Variants in CCDC7 observed in about 807,000 individuals in gnomAD.
The protein encoded by CCDC7 is coiled-coil domain-containing protein 7.
Under a neutral mutation model 196.9 loss-of-function variants are expected in CCDC7, and 183 were observed. The observed-to-expected ratio is 0.93, with a 90% CI of 0.82 to 1.05. The LOEUF is 1.05. Ranked by LOEUF, CCDC7 falls within the 50% of genes least tolerant of loss-of-function variation. The probability of loss-of-function intolerance (pLI) is 0.00; values close to 1 mark genes in which losing one functional copy is unlikely to be tolerated. For missense variants in CCDC7, 1,540 were observed against 1,482.2 expected, an observed-to-expected ratio of 1.04 and a Z score of -0.64; for synonymous variants, 525 against 484.6, an observed-to-expected ratio of 1.08 and a Z score of -1.10.
At chr10:32,526,816 T>A (rs551629695) in intron 11 of CCDC7, among the ~76,000 whole-genome samples, 1 of 152,238 alleles carries the variant, frequency 6.6e-6, no homozygotes, top group South Asian at 2.1e-4. Flanking sequence ...TTTGCTCTCT[T>A]CTCCTTAAGC....
intron 24 of CCDC7, among the ~76,000 whole-genome samples, chr10:32,700,811 G>A (rs1371016440): frequency 6.6e-6 from 1 of 152,050 alleles, no homozygotes; most frequent in Admixed American, 6.6e-5. Flanking sequence ...TATTTTCTTT[G>A]AAGCAAATGT....
chr10:32,851,820 G>A (rs1371480612), exon 40 of CCDC7: 1 of 1,609,940 alleles, frequency 6.2e-7, no homozygotes, highest in Non-Finnish European at 8.5e-7. Flanking sequence ...AAACTTATGA[G>A]TACTCTTCAC....
chr10:32,500,932 G>A (rs1480331465), intron 9 of CCDC7, among the ~76,000 whole-genome samples: 1 of 152,198 alleles, frequency 6.6e-6, no homozygotes, highest in Non-Finnish European at 1.5e-5. Flanking sequence ...TGCAATCCCA[G>A]GCACTTGGCA....
chr10:32,500,236 C>T (rs1410463490), intron 9 of CCDC7, among the ~76,000 whole-genome samples: 1 of 151,338 alleles, frequency 6.6e-6, no homozygotes, highest in South Asian at 2.1e-4. Flanking sequence ...GGGGCTGCCC[C>T]CCGACCTCCT....
At chr10:32,452,299 TACAA>T (rs891655269) in intron 1 of CCDC7, among the ~76,000 whole-genome samples, 4 of 152,194 alleles carry the variant, frequency 2.6e-5, no homozygotes, top group Admixed American at 2.6e-4. Flanking sequence ...AACAATGTTA[TACAA>T]ACAGTTTAGG....
At chr10:32,839,136 C>T (rs1007719409) in intron 33 of CCDC7, among the ~76,000 whole-genome samples, 3 of 151,872 alleles carry the variant, frequency 2.0e-5, no homozygotes, top group Non-Finnish European at 4.4e-5. Context: ...TACCTCACAT[C>T]TCAATACTAA....
intron 18 of CCDC7, among the ~76,000 whole-genome samples, chr10:32,584,539 C>T (rs576988130): frequency 9.2e-4 from 139 of 150,824 alleles, no homozygotes; most frequent in African/African-American, 3.1e-3. Flanking sequence ...GGGTGGATCA[C>T]GAGGTCAGGA....
chr10:32,467,882 A>G (rs1053266721), intron 5 of CCDC7, among the ~76,000 whole-genome samples: 36 of 152,172 alleles, frequency 2.4e-4, no homozygotes, highest in Non-Finnish European at 3.7e-4. Flanking sequence ...TTTGTCGAAG[A>G]TCAGATAGTT....
chr10:32,596,336 G>A (rs865897254), intron 18 of CCDC7, among the ~76,000 whole-genome samples: 2 of 151,944 alleles, frequency 1.3e-5, no homozygotes, highest in African/African-American at 4.8e-5. Flanking sequence ...AGTCTGTTTT[G>A]TCAGATACTA....
chr10:32,488,473 T>C (rs2041612778), intron 8 of CCDC7, among the ~76,000 whole-genome samples: 1 of 152,190 alleles, frequency 6.6e-6, no homozygotes, highest in Non-Finnish European at 1.5e-5. Context: ...CTGATGCTCG[T>C]TGCGCTGCAC....
chr10:32,523,708 C>A (rs538553314), intron 11 of CCDC7, among the ~76,000 whole-genome samples: 4 of 151,574 alleles, frequency 2.6e-5, no homozygotes, highest in African/African-American at 9.7e-5. Context: ...GCTGAATTGA[C>A]CTCTTTGTCA....
At chr10:32,804,222 T>G (rs1184064908) in intron 29 of CCDC7, among the ~76,000 whole-genome samples, 1 of 152,126 alleles carries the variant, frequency 6.6e-6, no homozygotes, top group African/African-American at 2.4e-5. Flanking sequence ...ATCACCCCTT[T>G]CTAACATAAA....
chr10:32,693,399 T>A (rs1216745425), intron 23 of CCDC7, among the ~76,000 whole-genome samples: 6 of 151,286 alleles, frequency 4.0e-5, no homozygotes, highest in African/African-American at 9.7e-5. Context: ...TCCTTCTCTA[T>A]TTTTTTTCTC....
intron 9 of CCDC7, among the ~76,000 whole-genome samples, chr10:32,505,301 G>A (rs956643241): frequency 6.6e-6 from 1 of 151,996 alleles, no homozygotes; most frequent in African/African-American, 2.4e-5. Flanking sequence ...GTGAACAAAG[G>A]TCTCTGGTTT....
intron 30 of CCDC7, among the ~76,000 whole-genome samples, chr10:32,813,854 T>G (rs2087728901): frequency 6.6e-6 from 1 of 152,338 alleles, no homozygotes; most frequent in Non-Finnish European, 1.5e-5. Flanking sequence ...CTGAATATAG[T>G]CTGGCTTATA....
intron 18 of CCDC7, among the ~76,000 whole-genome samples, chr10:32,597,068 G>A (rs182456735): frequency 5.4e-4 from 82 of 152,186 alleles, no homozygotes; most frequent in Admixed American, 1.4e-3. Context: ...TTGAATGTTG[G>A]CCTGCCTCAC....
intron 28 of CCDC7, among the ~76,000 whole-genome samples, chr10:32,761,867 A>C (rs1480597540): frequency 6.6e-6 from 1 of 152,014 alleles, no homozygotes; most frequent in African/African-American, 2.4e-5. Flanking sequence ...CTTTGGAAGC[A>C]GAATTTGTAG....
At chr10:32,530,419 A>G (rs1402664033) in intron 11 of CCDC7, among the ~76,000 whole-genome samples, 1 of 152,160 alleles carries the variant, frequency 6.6e-6, no homozygotes, top group Non-Finnish European at 1.5e-5. Flanking sequence ...CCCACAGCTA[A>G]CACTATACTG....
chr10:32,838,685 G>C (rs2092782511), intron 33 of CCDC7, among the ~76,000 whole-genome samples: 1 of 151,974 alleles, frequency 6.6e-6, no homozygotes, highest in South Asian at 2.1e-4. Flanking sequence ...ATAGTAATCA[G>C]GTTATCTAAA....
Sources: allele counts gnomAD v4.1 joint callset (sites outside exome capture counted in the v4.1 genomes callset), GRCh38; gene constraint gnomAD v4.1.1; transcripts MANE v1.5; gene names NCBI Gene and HGNC (gene_info 2026-07-23, HGNC 2026-07-21).